Variants in RANBP9 observed in about 807,000 individuals in gnomAD.
RANBP9 encodes ran-binding protein 9.
RANBP9 carries 15 observed loss-of-function variants against 84.3 expected under a neutral mutation model. That is an observed-to-expected ratio of 0.18 (90% confidence interval 0.12 to 0.27). The LOEUF is 0.27. Among genes scored for constraint, RANBP9 ranks in the 10% least tolerant of loss-of-function variants. The pLI, the probability that RANBP9 is intolerant of heterozygous loss-of-function variation, is 1.00. For missense variants in RANBP9, 809 were observed against 912.8 expected (o/e 0.89, Z 1.46); for synonymous variants, 392 against 349.6 (o/e 1.12, Z -1.35).
At chr6:13,707,864 T>G (rs1202079313) in intron 1 of RANBP9, among the ~76,000 whole-genome samples, 24 of 152,262 alleles carry the variant, frequency 1.6e-4, no homozygotes. Context: ...AGTCTAAACT[T>G]GTCACATTTG....
intron 2 of RANBP9, among the ~76,000 whole-genome samples, chr6:13,674,710 C>T (rs540235473): frequency 2.6e-5 from 4 of 152,198 alleles, no homozygotes; most frequent in African/African-American, 9.6e-5. Context: ...ATCATTACCT[C>T]CTCCTGCTGC....
chr6:13,703,539 C>A (rs1295621350), intron 1 of RANBP9, among the ~76,000 whole-genome samples: 2 of 152,224 alleles, frequency 1.3e-5, no homozygotes, highest in Admixed American at 1.3e-4. Context: ...ATTCCTACAG[C>A]TGATTCAACA....
chr6:13,632,979 A>T lies in RANBP9; in HGVS notation c.1796-458T>A, dbSNP rs1231971184. 2.0e-5 allele frequency among the ~76,000 whole-genome samples: 3 copies of T among 152,282 alleles called. No individual in the cohort carries two copies. In the East Asian group the frequency reaches 5.8e-4, roughly 29 times the overall value. ...ATAAAAATACAGAAGACAGCATATT[A>T]TACTAACTGAAAAGATTAAATGCAC... On this transcript the variant is annotated intron_variant, in intron 11 of 13. Transcript: ENST00000011619.
chr6:13,672,877 GA>G (rs974731757), intron 2 of RANBP9, among the ~76,000 whole-genome samples: 1 of 151,356 alleles, frequency 6.6e-6, no homozygotes, highest in Admixed American at 6.6e-5. Flanking sequence ...CAGTGAGCTT[GA>G]AAAAAAACTG....
chr6:13,664,911 T>C (rs1035731120), intron 2 of RANBP9, among the ~76,000 whole-genome samples: 2 of 152,050 alleles, frequency 1.3e-5, no homozygotes, highest in African/African-American at 4.8e-5. Context: ...GGCTTAAGGA[T>C]CAACAAATAG....
intron 5 of RANBP9, among the ~76,000 whole-genome samples, chr6:13,647,825 A>C (rs1039931942): frequency 6.6e-6 from 1 of 152,206 alleles, no homozygotes; most frequent in Non-Finnish European, 1.5e-5. Flanking sequence ...TAATTGTTAT[A>C]CCATTTACTC....
intron 5 of RANBP9, among the ~76,000 whole-genome samples, chr6:13,651,903 C>T (rs954149211): frequency 6.3e-4 from 96 of 152,114 alleles, no homozygotes; most frequent in African/African-American, 2.1e-3. Flanking sequence ...TACATATGCT[C>T]TGCCCTCCTC....
chr6:13,632,281 G>A (rs1394505882), intron 12 of RANBP9, 89 bp downstream of exon 12: 1 of 1,370,174 alleles, frequency 7.3e-7, no homozygotes, highest in Non-Finnish European at 9.9e-7. Flanking sequence ...TCCCTAACAA[G>A]AATTTCTGGT....
intron 2 of RANBP9, among the ~76,000 whole-genome samples, chr6:13,695,412 T>TG (rs1766421406): frequency 6.6e-6 from 1 of 150,802 alleles, no homozygotes. Context: ...TTTTTTTTTT[T>TG]TTTTTTTTTT....
At chr6:13,628,407 G>GA (rs1446189613) in intron 12 of RANBP9, among the ~76,000 whole-genome samples, 1 of 152,034 alleles carries the variant, frequency 6.6e-6, no homozygotes, top group African/African-American at 2.4e-5. Context: ...AGAGAAAGGA[G>GA]AAAAAAGCAT....
intron 1 of RANBP9, among the ~76,000 whole-genome samples, chr6:13,705,207 C>A (rs191361425): frequency 9.2e-5 from 14 of 151,712 alleles, no homozygotes; most frequent in Admixed American, 7.2e-4. Flanking sequence ...AGTTCCAGAC[C>A]AGCCTGGCCA....
At position 13,639,631 on chromosome 6, in the gene RANBP9, A is replaced by G; in HGVS notation, c.1457T>C (p.Met486Thr). ...GATATTCATTCCATGGCTGGGGCTC[A>G]TACTTGGACTACTAAAAGGTCGAGG... is the stretch of plus-strand genomic sequence containing the variant. ...VSPRPFSSPSMSPSHGMNIHN... is the reference protein window; with the variant it reads ...VSPRPFSSPSTSPSHGMNIHN... Residue 486 changes from methionine (M) to threonine (T), a missense_variant, in exon 9 of 14, where the codon ATG (methionine) becomes ACG (threonine). Met to Thr is a moderately conservative substitution (Grantham distance 81). Transcript: ENST00000011619. The G allele has an allele frequency of 2.5e-6, 4 of 1,613,172 alleles. No individual in the cohort carries two copies. The highest frequency in any genetic ancestry group is 3.4e-6 in the Non-Finnish European group (4 of 1,179,128).
At chr6:13,686,840 T>C (rs535596834) in intron 2 of RANBP9, among the ~76,000 whole-genome samples, 4 of 152,300 alleles carry the variant, frequency 2.6e-5, no homozygotes, top group Admixed American at 2.0e-4. Context: ...CTGCACCTGC[T>C]ATCACCCCAA....
intron 2 of RANBP9, among the ~76,000 whole-genome samples, chr6:13,668,180 TTACA>T (rs1193851077): frequency 6.6e-6 from 1 of 152,030 alleles, no homozygotes; most frequent in Non-Finnish European, 1.5e-5. Flanking sequence ...GAACAATGAA[TTACA>T]TAACCTCCTT....
intron 2 of RANBP9, among the ~76,000 whole-genome samples, chr6:13,674,901 G>A (rs1404877098): frequency 6.6e-6 from 1 of 152,120 alleles, no homozygotes; most frequent in Non-Finnish European, 1.5e-5. Flanking sequence ...GTCTCATAAT[G>A]ATGGTCTCAA....
At chr6:13,632,606 G>A in intron 11 of RANBP9, 85 bp from the exon 12 acceptor site, 1 of 1,254,250 alleles carries the variant, frequency 8.0e-7, no homozygotes. Flanking sequence ...ATACCATTTT[G>A]TACATTTAGT....
chr6:13,636,996 G>C (rs899457187), intron 10 of RANBP9, among the ~76,000 whole-genome samples: 2 of 152,056 alleles, frequency 1.3e-5, no homozygotes, highest in African/African-American at 4.8e-5. Flanking sequence ...GTAACCAACT[G>C]GTTTGTTATA....
chr6:13,706,800 A>T (rs542948618), intron 1 of RANBP9, among the ~76,000 whole-genome samples: 2 of 151,814 alleles, frequency 1.3e-5, no homozygotes, highest in South Asian at 4.2e-4. Flanking sequence ...TCAGGAGTTC[A>T]AGACCAGCCT....
At chr6:13,658,005 T>G (rs1765443368) in intron 3 of RANBP9, among the ~76,000 whole-genome samples, 1 of 152,172 alleles carries the variant, frequency 6.6e-6, no homozygotes. Flanking sequence ...ATTTTTAATT[T>G]TAGCAAAGAG....
Sources: allele counts gnomAD v4.1 joint callset (sites outside exome capture counted in the v4.1 genomes callset), GRCh38; gene constraint gnomAD v4.1.1; transcripts MANE v1.5; gene names NCBI Gene and HGNC (gene_info 2026-07-23, HGNC 2026-07-21).